The following CCDC63 variants were observed in gnomAD, a reference collection of about 807,000 sequenced individuals.
The protein encoded by CCDC63 is coiled-coil domain-containing protein 63.
A neutral mutation model predicts 63.6 loss-of-function variants in CCDC63; 54 were observed. That is an observed-to-expected ratio of 0.85 (90% CI 0.68 to 1.07). The LOEUF (loss-of-function observed/expected upper bound fraction) is 1.07. Among genes scored for constraint, CCDC63 ranks in the 50% least tolerant of loss-of-function variants. The pLI is 0.00. For missense variants in CCDC63, 637 were observed against 689.6 expected (o/e 0.92, Z 0.86); for synonymous variants, 253 against 266.1 (o/e 0.95, Z 0.48).
At chr12:110,864,973 C>T (rs1435520165) in intron 4 of CCDC63, among the ~76,000 whole-genome samples, 1 of 152,208 alleles carries the variant, frequency 6.6e-6, no homozygotes, top group African/African-American at 2.4e-5. Flanking sequence ...CACACCCAGA[C>T]TGACACTACC....
chr12:110,867,860 T>C (rs1182750267), intron 4 of CCDC63, among the ~76,000 whole-genome samples: 7 of 144,228 alleles, frequency 4.9e-5, no homozygotes, highest in Non-Finnish European at 6.1e-5. Context: ...CCGGACGGGG[T>C]GGCTGCCAGG....
At chr12:110,886,412 C>CA (rs1367887787) in intron 8 of CCDC63, among the ~76,000 whole-genome samples, 1 of 151,764 alleles carries the variant, frequency 6.6e-6, no homozygotes, top group Non-Finnish European at 1.5e-5. Flanking sequence ...AAACCCACCC[C>CA]AAAAAACCAC....
intron 7 of CCDC63, among the ~76,000 whole-genome samples, chr12:110,882,349 A>C (rs536057964): frequency 6.6e-6 from 1 of 151,960 alleles, no homozygotes; most frequent in African/African-American, 2.4e-5. Flanking sequence ...CCATCTCTAC[A>C]ATGAATAAAA....
chr12:110,892,959 C>T (rs2071375660), intron 8 of CCDC63, 117 bp from the exon 9 acceptor site: 1 of 766,286 alleles, frequency 1.3e-6, no homozygotes, highest in East Asian at 2.6e-5. Flanking sequence ...GTGTTTGGGG[C>T]TCTTTGAAAC....
rs60952323 is a variant in CCDC63 at position 110,863,168 on chromosome 12, G to A, written c.369+4393G>A. ...TGCACTGGGGGCGCTGCCTGTGCAC[G>A]GAACAGAAGGGACACCAAAGTAGAG... On this transcript the variant is annotated intron_variant, in intron 4 of 11. Coordinates refer to ENST00000308208, the MANE Select transcript of CCDC63 (RefSeq NM_152591.3). Among the ~76,000 whole-genome samples, 1,033 of 151,644 alleles carry A rather than the reference G, an allele frequency of 6.8e-3. 17 individuals carry two copies. Among genetic ancestry groups the A allele is most frequent in the African/African-American group, 0.024 (1,000 of 40,974 alleles).
chr12:110,886,610 A>T (rs1174279736), intron 8 of CCDC63, among the ~76,000 whole-genome samples: 1 of 151,952 alleles, frequency 6.6e-6, no homozygotes, highest in Non-Finnish European at 1.5e-5. Context: ...CAAATTAGGG[A>T]CGGGCCCAGG....
intron 4 of CCDC63, among the ~76,000 whole-genome samples, chr12:110,865,657 C>G (rs1441700496): frequency 1.3e-5 from 2 of 152,164 alleles, no homozygotes; most frequent in African/African-American, 4.8e-5. Context: ...CTATTCTCTA[C>G]TTTTTCTTCT....
At chr12:110,893,569 G>A (rs1368267139) in intron 9 of CCDC63, among the ~76,000 whole-genome samples, 4 of 152,248 alleles carry the variant, frequency 2.6e-5, no homozygotes, top group East Asian at 3.9e-4. Context: ...TACCATGTAC[G>A]AGGCGCCGGG....
At chr12:110,853,623 G>A (rs917061854) in intron 3 of CCDC63, 49 bp downstream of exon 3, 14 of 1,607,940 alleles carry the variant, frequency 8.7e-6, no homozygotes, top group Admixed American at 5.0e-5. Context: ...AGGAAAGTTG[G>A]GGTTGGGCTT....
At chr12:110,905,991 TTATAATATATATTATATAA>T (rs1439730009) in intron 11 of CCDC63, among the ~76,000 whole-genome samples, 17 of 2,488 alleles carry the variant, frequency 6.8e-3, no homozygotes, top group African/African-American at 0.014. Flanking sequence ...TATTATATTA[TTATAATATATATTATATAA>T]TATAATATAT....
intron 1 of CCDC63, among the ~76,000 whole-genome samples, chr12:110,850,925 A>T (rs552284199): frequency 1.3e-5 from 2 of 152,242 alleles, no homozygotes; most frequent in Middle Eastern, 3.4e-3. Context: ...ATACGCCCCC[A>T]ACCTCCAACT....
At chr12:110,852,755 T>C in intron 1 of CCDC63, 104 bp from the exon 2 acceptor site, 3 of 725,374 alleles carry the variant, frequency 4.1e-6, no homozygotes, top group Non-Finnish European at 7.3e-6. Context: ...TGCCAAGGTG[T>C]GGGTGGAGGA....
rs193132620 is a variant in CCDC63, at chr12:110,901,831, T to A, written c.1342+2706T>A. 3.5e-3 allele frequency among the ~76,000 whole-genome samples: 525 copies of A among 152,150 alleles called. 3 individuals are homozygous for A. Among genetic ancestry groups the A allele is most frequent in the African/African-American group, 0.012 (516 of 41,512 alleles). Reference sequence around the variant, plus strand: ...TCTTTCTCCTTCCTTCCTTCCTTCATTCCTTCCTTTCTTTCTTTGATGGAA... The same window carrying A: ...TCTTTCTCCTTCCTTCCTTCCTTCAATCCTTCCTTTCTTTCTTTGATGGAA... On this transcript the variant is annotated intron_variant, in intron 10 of 11. Coordinates refer to ENST00000308208, the MANE Select transcript of CCDC63 (RefSeq NM_152591.3).
chr12:110,904,503 G>A lies in CCDC63; in HGVS notation c.1343-85G>A, dbSNP rs139191822. The A allele has an allele frequency of 1.8e-4, 204 of 1,162,480 alleles. 2 individuals carry two copies. In the Middle Eastern group the frequency reaches 1.9e-3, roughly 11 times the overall value. The allele number at this position is 1,162,480 out of a possible 1,614,324, so 72.0% of individuals were successfully genotyped here. A position where few individuals can be genotyped will look rare whatever the true frequency, so the allele number is the denominator to read the frequency against. ...CCTCCTGTACTTCCTGCTCCTCCCC[G>A]CCCTCTGCAGTGGTGGCACCACCCA... is the stretch of plus-strand genomic sequence containing the variant. On this transcript the variant is annotated intron_variant, in intron 10 of 11. Coordinates refer to ENST00000308208, the MANE Select transcript of CCDC63 (RefSeq NM_152591.3).
rs1426901003 is a variant in CCDC63 at position 110,884,181 on chromosome 12, T to C, written c.1005T>C (p.Ala335=). ...DFLAKEEKNF[A]RFTYVTELNN... is the part of the protein sequence containing the mutation. The stretch of plus-strand genomic sequence containing the variant: ...TGGCCAAGGAGGAGAAGAATTTTGC[T>C]CGGTTCACGTATGTCACGGAGCTCA... Residue 335 remains alanine, a synonymous_variant, in exon 8 of 12, where the codon GCT becomes GCC. Transcript: ENST00000308208. The C allele has an allele frequency of 6.2e-7, 1 of 1,614,064 alleles. No individual in the cohort carries two copies. The highest frequency in any genetic ancestry group is 1.7e-5 in the Admixed American group (1 of 60,004).
chr12:110,907,045 C>T lies in CCDC63; in HGVS notation c.1547-286C>T, dbSNP rs554254001. 3.3e-5 allele frequency among the ~76,000 whole-genome samples: 5 copies of T among 152,328 alleles called. No homozygotes were observed. The highest frequency in any genetic ancestry group is 2.1e-4 in the South Asian group (1 of 4,828). On this transcript the variant is annotated intron_variant, in intron 11 of 11. Coordinates refer to ENST00000308208, the MANE Select transcript of CCDC63 (RefSeq NM_152591.3). This position sits in a 1 kb window ranked among gnomAD's most constrained non-coding sequence, Gnocchi z 4.4. The stretch of plus-strand genomic sequence containing the variant: ...GCTGGATTTCAGCCCATCCATCTAC[C>T]GCTCTCCTCAGGTGTCTTTGTGCAG...
chr12:110,904,786 A>C lies in CCDC63; in HGVS notation c.1541A>C (p.Asp514Ala). ...LGADPFSDRL[D>A]DVEQPLDHSS... ...GCTGACCCCTTCAGCGACAGGTTGG[A>C]TGATGGTGAGTTCTCTCTCTCTCAA... is the stretch of plus-strand genomic sequence containing the variant. Residue 514 changes from aspartate (D) to alanine (A), a missense_variant, in exon 11 of 12, where the codon GAT becomes GCT. By Grantham distance (126) the Asp-to-Ala change is moderately radical. Transcript: ENST00000308208. 1.2e-6 allele frequency: 2 copies of C among 1,607,596 alleles called. No homozygotes were observed. Among genetic ancestry groups the C allele is most frequent in the Non-Finnish European group, 1.7e-6 (2 of 1,177,394 alleles).
intron 4 of CCDC63, among the ~76,000 whole-genome samples, chr12:110,862,036 C>T (rs189777415): frequency 2.0e-5 from 3 of 152,314 alleles, no homozygotes; most frequent in African/African-American, 7.2e-5. Context: ...CAGAGACCCT[C>T]TGTCTTGATT....
rs74701406 is a variant in CCDC63, at chr12:110,905,278, G to C, written c.1546+487G>C. The stretch of plus-strand genomic sequence containing the variant: ...GTCCCCTAACCCCACGGTTGAAGCA[G>C]CTTCAACCTGGTCCATGCCAGAAGC... On this transcript the variant is annotated intron_variant, in intron 11 of 11. Transcript: ENST00000308208. 5.1e-3 allele frequency among the ~76,000 whole-genome samples: 778 copies of C among 152,094 alleles called. 9 individuals carry two copies. Among genetic ancestry groups the C allele is most frequent in the African/African-American group, 0.018 (728 of 41,452 alleles).
Sources: allele counts gnomAD v4.1 joint callset (sites outside exome capture counted in the v4.1 genomes callset), GRCh38; gene constraint gnomAD v4.1.1; non-coding constraint Gnocchi (gnomAD v3.1); transcripts MANE v1.5; gene names NCBI Gene and HGNC (gene_info 2026-07-23, HGNC 2026-07-21).